The following ALPK3 variants were observed in gnomAD, a reference collection of about 807,000 sequenced individuals.
The protein encoded by ALPK3 is alpha kinase 3.
Under a neutral mutation model 140.0 loss-of-function variants are expected in ALPK3, and 102 were observed. The observed-to-expected ratio is 0.73, with a 90% CI of 0.62 to 0.86. The LOEUF (loss-of-function observed/expected upper bound fraction) is 0.86, where lower values mean the gene tolerates loss of function less well. ALPK3 is among the 40% of genes least tolerant of loss of function. The pLI is 0.00. For missense variants in ALPK3, 2,254 were observed against 2,208.2 expected, an observed-to-expected ratio of 1.02 and a Z score of -0.42; for synonymous variants, 938 against 898.5, an observed-to-expected ratio of 1.04 and a Z score of -0.79.
Position 84,858,278 on chromosome 15 carries a change from A to G in ALPK3, c.3540A>G (p.Ala1180=). 6.3e-7 allele frequency: 1 copy of G among 1,589,600 alleles called. No homozygotes were observed. Among genetic ancestry groups the G allele is most frequent in the Non-Finnish European group, 8.6e-7 (1 of 1,167,998 alleles). ...PKVRAAGDGE[A]TTPEERESPT... is the part of the protein sequence containing the mutation. The stretch of plus-strand genomic sequence containing the variant: ...TCAGAGCAGCAGGAGACGGGGAGGC[A>G]ACCACACCTGAAGAAAGGGAGAGCC... The change falls in exon 6 of 14, where the codon GCA becomes GCG. Residue 1180 remains alanine (A), a synonymous_variant. Transcript: ENST00000258888.
chr15:84,859,527 AGAGAT>A (rs1963915398), intron 7 of ALPK3, 137 bp downstream of exon 7: 43 of 1,330,930 alleles, frequency 3.2e-5, no homozygotes, highest in Non-Finnish European at 4.2e-5. Flanking sequence ...TTCCCATAGT[AGAGAT>A]GAGAAAATGG....
At position 84,870,735 on chromosome 15, in the gene ALPK3, C is replaced by G. The variant is rs1394888146; in HGVS notation, c.*2279C>G. The G allele has an allele frequency of 1.3e-5, 2 of 152,180 alleles. No homozygotes were observed. Among genetic ancestry groups the G allele is most frequent in the Non-Finnish European group, 2.9e-5 (2 of 68,050 alleles). The allele number at this position is 152,180 out of a possible 1,614,324, so 9.4% of individuals were successfully genotyped here. On this transcript the variant is annotated 3_prime_UTR_variant, in exon 14 of 14. Transcript: ENST00000258888. ...AGATTCAAATTCCAAGTGAAAGAAC[C>G]TGGCCTGGAGCTCAGGGCTTCATAG... is the stretch of plus-strand genomic sequence containing the variant.
At chr15:84,859,545 G>A (rs1440692024) in intron 7 of ALPK3, among the ~76,000 whole-genome samples, 155 bp downstream of exon 7, 2 of 152,194 alleles carry the variant, frequency 1.3e-5, no homozygotes, top group Admixed American at 6.5e-5. Flanking sequence ...GAAAATGGAG[G>A]CTCAGCATTC....
rs1964098828 is a variant in ALPK3, at chr15:84,873,420, T to A, written c.*4964T>A. 1 of 152,334 alleles carries A rather than the reference T, an allele frequency of 6.6e-6. No homozygotes were observed. Among genetic ancestry groups the A allele is most frequent in the South Asian group, 2.1e-4 (1 of 4,824 alleles). 9.4% of individuals were successfully genotyped at this position (152,334 alleles called of 1,614,324 possible). A position where few individuals can be genotyped will look rare whatever the true frequency, so the allele number is the denominator to read the frequency against. ...AACAGTATCTGGCGATTTGAGCTTT[T>A]ACGTAGAATGTAGAATCTCTGGTGA... On this transcript the variant is annotated 3_prime_UTR_variant, in exon 14 of 14. Transcript: ENST00000258888.
At chr15:84,859,666 C>T (rs371404815) in intron 7 of ALPK3, 110 bp from the exon 8 acceptor site, 1 of 1,433,724 alleles carries the variant, frequency 7.0e-7, no homozygotes, top group African/African-American at 1.4e-5. Context: ...TTCCCCAAAG[C>T]TCTCAGAGCT....
rs117559848 is a variant in ALPK3 at position 84,828,670 on chromosome 15, T to C, written c.304+1065T>C. Reference sequence around the variant, plus strand: ...AGAACACTCTCTGCTCCGAGCGACATAGGTGTGCATCCCATACCTTTGTAT... The same window carrying C: ...AGAACACTCTCTGCTCCGAGCGACACAGGTGTGCATCCCATACCTTTGTAT... On this transcript the variant is annotated intron_variant, in intron 3 of 13. Transcript: ENST00000258888. Among the ~76,000 whole-genome samples the C allele has an allele frequency of 7.6e-3, 1,154 of 152,330 alleles. 3 individuals are homozygous for C. Among genetic ancestry groups the C allele is most frequent in the Non-Finnish European group, 0.011 (761 of 68,036 alleles).
chr15:84,867,802 A>C (rs1019214911), intron 13 of ALPK3, among the ~76,000 whole-genome samples: 2 of 152,178 alleles, frequency 1.3e-5, no homozygotes, highest in African/African-American at 4.8e-5. Flanking sequence ...GCCTTGGGCC[A>C]GGCATGGTGG....
intron 5 of ALPK3, among the ~76,000 whole-genome samples, chr15:84,853,399 G>A (rs1345550413): frequency 6.6e-6 from 1 of 152,064 alleles, no homozygotes; most frequent in East Asian, 1.9e-4. Context: ...GATCATTTGA[G>A]GCCAGGAGTT....
chr15:84,854,404 A>C (rs987243273), intron 5 of ALPK3, among the ~76,000 whole-genome samples: 1 of 152,032 alleles, frequency 6.6e-6, no homozygotes, highest in Non-Finnish European at 1.5e-5. Flanking sequence ...CTCTTGCCTC[A>C]GCCTCAGAGT....
At chr15:84,863,840 T>G (rs1193303186) in intron 11 of ALPK3, among the ~76,000 whole-genome samples, 200 bp downstream of exon 11, 4 of 152,234 alleles carry the variant, frequency 2.6e-5, no homozygotes, top group African/African-American at 9.6e-5. Flanking sequence ...GAAAAGCCTC[T>G]GCTCTGGACT....
chr15:84,836,062 A>T (rs1432991043), intron 3 of ALPK3, among the ~76,000 whole-genome samples: 1 of 152,248 alleles, frequency 6.6e-6, no homozygotes, highest in Non-Finnish European at 1.5e-5. Flanking sequence ...TAAGAGGAAT[A>T]GCAAGTGCCT....
chr15:84,872,523 G>C lies in ALPK3; in HGVS notation c.*4067G>C, dbSNP rs2141579051. 1 of 152,382 alleles carries C rather than the reference G, an allele frequency of 6.6e-6. No homozygotes were observed. Among genetic ancestry groups the C allele is most frequent in the Middle Eastern group, 3.4e-3 (1 of 294 alleles). 9.4% of individuals were successfully genotyped at this position (152,382 alleles called of 1,614,324 possible). A position where few individuals can be genotyped will look rare whatever the true frequency, so the allele number is the denominator to read the frequency against. ...TCAGTTGGTAAATGGGTTAGAACAAGATGCCCCAAAGTGGCATAAATTGCA... is the reference window on the plus strand; with the variant it reads ...TCAGTTGGTAAATGGGTTAGAACAACATGCCCCAAAGTGGCATAAATTGCA... On this transcript the variant is annotated 3_prime_UTR_variant, in exon 14 of 14. Coordinates refer to ENST00000258888, the MANE Select transcript of ALPK3 (RefSeq NM_020778.5).
chr15:84,820,251 C>T (rs1012856693), intron 1 of ALPK3, among the ~76,000 whole-genome samples: 1 of 152,160 alleles, frequency 6.6e-6, no homozygotes, highest in Non-Finnish European at 1.5e-5. Flanking sequence ...TCAGAGAAGT[C>T]ACAGAACCTA....
intron 7 of ALPK3, 23 bp from the exon 8 acceptor site, chr15:84,859,753 C>T (rs776390012): frequency 8.7e-6 from 14 of 1,602,900 alleles, no homozygotes; most frequent in African/African-American, 6.7e-5. Flanking sequence ...ATGGCCCTCA[C>T]GAGTAGGGTC....
At position 84,868,971 on chromosome 15, in the gene ALPK3, T is replaced by A. The variant is rs1964036175; in HGVS notation, c.*515T>A. The A allele has an allele frequency of 6.2e-6, 1 of 161,328 alleles. No homozygotes were observed. Among genetic ancestry groups the A allele is most frequent in the South Asian group, 1.7e-4 (1 of 5,802 alleles). 10.0% of individuals were successfully genotyped at this position (161,328 alleles called of 1,614,324 possible). A position where few individuals can be genotyped will look rare whatever the true frequency, so the allele number is the denominator to read the frequency against. ...TCTCAGGGTATCTTCTCCTTCCAGC[T>A]ACTTTCGCTCACTGATCTCAGCTTA... On this transcript the variant is annotated 3_prime_UTR_variant, in exon 14 of 14. Transcript: ENST00000258888.
At chr15:84,866,060 C>T (rs1964000706) in intron 12 of ALPK3, among the ~76,000 whole-genome samples, 2 of 152,334 alleles carry the variant, frequency 1.3e-5, no homozygotes, top group African/African-American at 2.4e-5. Context: ...TTCAATCTCT[C>T]TGAGCTTCAG....
intron 3 of ALPK3, among the ~76,000 whole-genome samples, chr15:84,832,809 C>T (rs1273379150): frequency 1.3e-5 from 2 of 152,182 alleles, no homozygotes; most frequent in Non-Finnish European, 2.9e-5. Context: ...GCTTTGGTAC[C>T]TTGGTAACAG....
intron 5 of ALPK3, among the ~76,000 whole-genome samples, chr15:84,842,731 CT>C (rs1963680666): frequency 6.6e-6 from 1 of 152,154 alleles, no homozygotes; most frequent in Non-Finnish European, 1.5e-5. Flanking sequence ...GTTCAGAGGG[CT>C]TTGGAGTGGA....
Position 84,858,094 on chromosome 15 carries a change from G to C in ALPK3, c.3356G>C (p.Gly1119Ala). The C allele has an allele frequency of 6.4e-7, 1 of 1,569,408 alleles. No individual in the cohort carries two copies. The highest frequency in any genetic ancestry group is 1.4e-5 in the African/African-American group (1 of 73,418). Residue 1119 changes from glycine to alanine, a missense_variant, in exon 6 of 14, where the codon GGT (glycine) becomes GCT (alanine). This residue lies in a region of ALPK3 where 2,088 missense variants were observed against 2,022.9 expected (regional missense o/e 1.03). Transcript: ENST00000258888. Reference protein sequence around the residue: ...SSMAGRLGEAGGQAAPGQGPS... With the variant: ...SSMAGRLGEAAGQAAPGQGPS... ...ATGGCTGGTCGACTGGGGGAGGCGG[G>C]TGGGCAGGCAGCCCCTGGACAGGGG...
Sources: gnomAD v4.1 joint callset for allele counts (sites outside exome capture counted in the v4.1 genomes callset) on GRCh38, gnomAD v4.1.1 for gene constraint, gnomAD v4.1.1 regional missense constraint, MANE v1.5 for transcripts, NCBI Gene and HGNC (gene_info 2026-07-23, HGNC 2026-07-21) for gene names.